Variants in COL21A1 observed in about 807,000 individuals in gnomAD.
The protein encoded by COL21A1 is collagen type XXI alpha 1 chain.
Under a neutral mutation model 137.9 loss-of-function variants are expected in COL21A1, and 149 were observed. That is an observed-to-expected ratio of 1.08 (90% CI 0.95 to 1.24). The LOEUF (loss-of-function observed/expected upper bound fraction) is 1.24. Ranked by LOEUF, COL21A1 falls within the 50% of genes most tolerant of loss-of-function variation. COL21A1 has a pLI of 0.00. For synonymous variants in COL21A1, 456 were observed against 391.5 expected (o/e 1.16, Z -1.95); for missense variants, 1,167 against 1,158.4 (o/e 1.01, Z -0.11).
At chr6:56,142,540 G>T (rs1044410790) in intron 10 of COL21A1, among the ~76,000 whole-genome samples, 3 of 152,196 alleles carry the variant, frequency 2.0e-5, no homozygotes, top group South Asian at 2.1e-4. Flanking sequence ...AGGGGGATGA[G>T]AGAAGTCACT....
At chr6:56,131,924 G>A (rs542508691) in intron 12 of COL21A1, among the ~76,000 whole-genome samples, 1 of 151,868 alleles carries the variant, frequency 6.6e-6, no homozygotes, top group East Asian at 1.9e-4. Flanking sequence ...ACTTTTTCTG[G>A]ACTACCAACA....
At chr6:56,367,226 G>T (rs1394575061) in intron 1 of COL21A1, among the ~76,000 whole-genome samples, 1 of 152,148 alleles carries the variant, frequency 6.6e-6, no homozygotes, top group Non-Finnish European at 1.5e-5. Flanking sequence ...GCTGATTGTT[G>T]TTTACACAAT....
chr6:56,321,188 G>A (rs1764857344), intron 1 of COL21A1, among the ~76,000 whole-genome samples: 1 of 152,140 alleles, frequency 6.6e-6, no homozygotes, highest in Admixed American at 6.6e-5. Flanking sequence ...CATCTTATGA[G>A]TCAAGGCATT....
In COL21A1 at chr6:56,124,134, T is replaced by C. The variant is rs41271844; in HGVS notation, c.1705-19A>G. 0.14 allele frequency: 219,637 copies of C among 1,535,440 alleles called. 16,297 individuals are homozygous for C. The highest frequency in any genetic ancestry group is 0.17 in the Middle Eastern group (1,001 of 5,926). ...GTTCTCCCTAAAAAATAAATACATATGCTTTAATATATTTTTGCACTAATT... is the reference window on the plus strand; with the variant it reads ...GTTCTCCCTAAAAAATAAATACATACGCTTTAATATATTTTTGCACTAATT... On this transcript the variant is annotated intron_variant, in intron 15 of 29. Coordinates refer to ENST00000244728, the MANE Select transcript of COL21A1 (RefSeq NM_030820.4).
chr6:56,102,440 C>G (rs558652216), intron 16 of COL21A1, among the ~76,000 whole-genome samples: 2 of 152,194 alleles, frequency 1.3e-5, no homozygotes, highest in African/African-American at 4.8e-5. Flanking sequence ...AAGCAATTTG[C>G]CACACTTGTT....
intron 1 of COL21A1, among the ~76,000 whole-genome samples, chr6:56,242,414 C>A (rs139559648): frequency 3.9e-5 from 6 of 152,248 alleles, no homozygotes; most frequent in East Asian, 1.9e-4. Flanking sequence ...TTAAAAAAAT[C>A]TCTTTTCTTG....
intron 1 of COL21A1, among the ~76,000 whole-genome samples, chr6:56,194,764 A>C (rs1480460474): frequency 6.6e-6 from 1 of 152,190 alleles, no homozygotes; most frequent in Non-Finnish European, 1.5e-5. Context: ...ATTAAAATGT[A>C]GATACTGATT....
intron 1 of COL21A1, among the ~76,000 whole-genome samples, chr6:56,240,308 T>C (rs1032861009): frequency 6.6e-6 from 1 of 152,136 alleles, no homozygotes; most frequent in Non-Finnish European, 1.5e-5. Context: ...GAGGATGCAG[T>C]GTTTCTCTCC....
intron 14 of COL21A1, among the ~76,000 whole-genome samples, chr6:56,125,010 T>C (rs1239334260): frequency 9.1e-6 from 1 of 109,364 alleles, no homozygotes; most frequent in Non-Finnish European, 1.8e-5. Context: ...AATCTGTAAA[T>C]CTTTTTTTTT....
chr6:56,380,550 C>T (rs924403730), intron 1 of COL21A1, among the ~76,000 whole-genome samples: 1 of 152,188 alleles, frequency 6.6e-6, no homozygotes, highest in Non-Finnish European at 1.5e-5. Flanking sequence ...ACAGGGCCTT[C>T]GTGGTCACTC....
At chr6:56,275,487 A>T (rs539961742) in intron 1 of COL21A1, among the ~76,000 whole-genome samples, 1 of 152,314 alleles carries the variant, frequency 6.6e-6, no homozygotes, top group East Asian at 1.9e-4. Flanking sequence ...AATATCCGGA[A>T]TTTATAAGGA....
At chr6:56,268,045 A>G (rs1763435201) in intron 1 of COL21A1, among the ~76,000 whole-genome samples, 1 of 152,164 alleles carries the variant, frequency 6.6e-6, no homozygotes, top group African/African-American at 2.4e-5. Flanking sequence ...GGTCTGGAAG[A>G]TGGAACCAGA....
intron 1 of COL21A1, among the ~76,000 whole-genome samples, chr6:56,341,087 T>C (rs1242086482): frequency 6.6e-6 from 1 of 152,194 alleles, no homozygotes; most frequent in Non-Finnish European, 1.5e-5. Context: ...TCCAAGGAGC[T>C]ACATTGCTCT....
intron 10 of COL21A1, among the ~76,000 whole-genome samples, chr6:56,148,495 C>T (rs1775030400): frequency 6.6e-6 from 1 of 152,060 alleles, no homozygotes; most frequent in Non-Finnish European, 1.5e-5. Context: ...TCTTGTAATT[C>T]TCTTCTCCAA....
At chr6:56,323,426 G>A (rs551386651) in intron 1 of COL21A1, among the ~76,000 whole-genome samples, 1 of 152,274 alleles carries the variant, frequency 6.6e-6, no homozygotes, top group African/African-American at 2.4e-5. Context: ...GTCTCGCTCT[G>A]TTACCCAGGC....
chr6:56,245,620 G>GAATT (rs2152327213), intron 1 of COL21A1, among the ~76,000 whole-genome samples: 1 of 152,284 alleles, frequency 6.6e-6, no homozygotes, highest in African/African-American at 2.4e-5. Flanking sequence ...ACAACAATGT[G>GAATT]AATTATGAGG....
chr6:56,385,156 C>T (rs1183974915), intron 1 of COL21A1, among the ~76,000 whole-genome samples: 1 of 152,196 alleles, frequency 6.6e-6, no homozygotes, highest in African/African-American at 2.4e-5. Flanking sequence ...CTGAGTGTGG[C>T]TTTCATGGTG....
At chr6:56,241,874 T>C (rs903089355) in intron 1 of COL21A1, among the ~76,000 whole-genome samples, 11 of 152,184 alleles carry the variant, frequency 7.2e-5, no homozygotes, top group African/African-American at 2.7e-4. Context: ...TTACAAAATA[T>C]TTTTCAATAA....
At chr6:56,163,936 T>G (rs1196384037) in intron 9 of COL21A1, among the ~76,000 whole-genome samples, 1 of 152,162 alleles carries the variant, frequency 6.6e-6, no homozygotes, top group African/African-American at 2.4e-5. Context: ...AGTACATGAT[T>G]AAGTGAAATA....
Sources: gnomAD v4.1 joint callset for allele counts (sites outside exome capture counted in the v4.1 genomes callset) on GRCh38, gnomAD v4.1.1 for gene constraint, MANE v1.5 for transcripts, NCBI Gene and HGNC (gene_info 2026-07-23, HGNC 2026-07-21) for gene names.